EXOC6B: variants seen among roughly 807,000 people sequenced by gnomAD.
The protein encoded by EXOC6B is exocyst complex component 6B.
Under a neutral mutation model 113.5 loss-of-function variants are expected in EXOC6B, and 54 were observed. The ratio of observed to expected loss-of-function variants is 0.48; its 90% CI spans 0.38 to 0.60. EXOC6B has a LOEUF of 0.60. EXOC6B is among the 20% of genes least tolerant of loss of function. EXOC6B has a pLI of 0.00. For synonymous variants in EXOC6B, 357 were observed against 339.0 expected, an observed-to-expected ratio of 1.05 and a Z score of -0.58; for missense variants, 797 against 977.5, an observed-to-expected ratio of 0.82 and a Z score of 2.46.
In EXOC6B at chr2:72,783,062, T is replaced by C. The variant is rs150874115; in HGVS notation, c.114-41593A>G. Among the ~76,000 whole-genome samples the C allele has an allele frequency of 2.1e-4, 32 of 152,302 alleles. No individual in the cohort carries two copies. In the East Asian group the frequency reaches 5.8e-3, roughly 28 times the overall value. On this transcript the variant is annotated intron_variant, in intron 1 of 21. Coordinates refer to ENST00000272427, the MANE Select transcript of EXOC6B (RefSeq NM_015189.3). The stretch of plus-strand genomic sequence containing the variant: ...ACTGTAGTGAGACTGCTGGATCACA[T>C]GATAGTTCTATTTTTGAGAAACCTC...
intron 1 of EXOC6B, among the ~76,000 whole-genome samples, chr2:72,785,846 G>C (rs1684345104): frequency 6.6e-6 from 1 of 152,230 alleles, no homozygotes; most frequent in African/African-American, 2.4e-5. Flanking sequence ...GGCTTAAATT[G>C]CTCCCCAGAA....
chr2:72,354,235 T>C (rs1689841573), intron 19 of EXOC6B: 1 of 152,214 alleles, frequency 6.6e-6, no homozygotes, highest in African/African-American at 2.4e-5. Context: ...CCAGACAGAA[T>C]TTCAGGGTAT....
chr2:72,470,350 A>G (rs585653), intron 17 of EXOC6B, among the ~76,000 whole-genome samples: 20,623 of 152,106 alleles, frequency 0.14, 1,717 homozygotes, highest in African/African-American at 0.24. Context: ...TATTGTAAAT[A>G]GGACTGCCTT....
chr2:72,804,617 T>C (rs1387967609), intron 1 of EXOC6B, among the ~76,000 whole-genome samples: 1 of 151,968 alleles, frequency 6.6e-6, no homozygotes, highest in African/African-American at 2.4e-5. Context: ...TTTTTTGAGA[T>C]GGAGTTTCGC....
intron 18 of EXOC6B, among the ~76,000 whole-genome samples, chr2:72,390,899 C>T (rs1692334763): frequency 6.6e-6 from 1 of 152,186 alleles, no homozygotes; most frequent in South Asian, 2.1e-4. Context: ...TCGCCCTATA[C>T]ATTAATAGCT....
At chr2:72,610,879 C>T (rs772195427) in intron 6 of EXOC6B, among the ~76,000 whole-genome samples, 1 of 152,186 alleles carries the variant, frequency 6.6e-6, no homozygotes, top group South Asian at 2.1e-4. Context: ...CAAACACCAC[C>T]TTCCTTGTGA....
chr2:72,768,856 T>C (rs1294418406), intron 1 of EXOC6B, among the ~76,000 whole-genome samples: 1 of 152,160 alleles, frequency 6.6e-6, no homozygotes, highest in Non-Finnish European at 1.5e-5. Flanking sequence ...TTCACACCTG[T>C]AATCCCAGCA....
intron 8 of EXOC6B, among the ~76,000 whole-genome samples, chr2:72,538,879 A>G (rs539392167): frequency 2.6e-5 from 4 of 151,880 alleles, no homozygotes; most frequent in African/African-American, 9.6e-5. Context: ...CTGGCCTGCT[A>G]TGTTACTACT....
At chr2:72,381,325 T>A (rs1314637320) in intron 18 of EXOC6B, among the ~76,000 whole-genome samples, 1 of 152,190 alleles carries the variant, frequency 6.6e-6, no homozygotes, top group Non-Finnish European at 1.5e-5. Context: ...TTTGGAAGTA[T>A]ACCACAATTT....
At chr2:72,660,210 T>C (rs1257143445) in intron 6 of EXOC6B, among the ~76,000 whole-genome samples, 2 of 150,356 alleles carry the variant, frequency 1.3e-5, no homozygotes, top group Admixed American at 6.7e-5. Flanking sequence ...AAAAAAAAAA[T>C]AAAGCCATTG....
intron 18 of EXOC6B, among the ~76,000 whole-genome samples, chr2:72,383,875 T>C (rs1691837695): frequency 6.6e-6 from 1 of 152,112 alleles, no homozygotes; most frequent in African/African-American, 2.4e-5. Context: ...GAGACCTTTA[T>C]CCTTAAGAAA....
chr2:72,636,124 G>A (rs569362319), intron 6 of EXOC6B, among the ~76,000 whole-genome samples: 6 of 152,224 alleles, frequency 3.9e-5, no homozygotes, highest in Admixed American at 2.6e-4. Flanking sequence ...TCAGGAGGCT[G>A]AGGCAGGAGG....
chr2:72,466,856 A>G (rs576595157), intron 17 of EXOC6B, among the ~76,000 whole-genome samples: 14 of 152,190 alleles, frequency 9.2e-5, no homozygotes, highest in South Asian at 4.1e-4. Context: ...TGAGGTAGGA[A>G]TACTTAAAAG....
At chr2:72,617,517 C>CTTTTT (rs201912352) in intron 6 of EXOC6B, among the ~76,000 whole-genome samples, 29 of 96,956 alleles carry the variant, frequency 3.0e-4, no homozygotes, top group East Asian at 5.7e-4. Flanking sequence ...AATCTTTTTT[C>CTTTTT]TTTTTTTTTT....
At chr2:72,443,320 CAAAAAAA>C (rs61290907) in intron 18 of EXOC6B, among the ~76,000 whole-genome samples, 5 of 92,768 alleles carry the variant, frequency 5.4e-5, no homozygotes, top group Admixed American at 4.9e-4. Flanking sequence ...GAGATTCTGT[CAAAAAAA>C]AAAAAAAAAA....
At chr2:72,749,946 T>C (rs917616089) in intron 1 of EXOC6B, among the ~76,000 whole-genome samples, 2 of 151,840 alleles carry the variant, frequency 1.3e-5, no homozygotes, top group African/African-American at 2.4e-5. Flanking sequence ...ACCTCATTTG[T>C]AGATGTATAT....
chr2:72,270,325 GGT>G (rs1298916214), intron 20 of EXOC6B, among the ~76,000 whole-genome samples: 2 of 152,118 alleles, frequency 1.3e-5, no homozygotes, highest in East Asian at 3.9e-4. Flanking sequence ...ATCCTGAGCA[GGT>G]GTCAGAAGGC....
intron 6 of EXOC6B, among the ~76,000 whole-genome samples, chr2:72,686,171 A>G (rs1322910283): frequency 6.6e-6 from 1 of 152,154 alleles, no homozygotes; most frequent in African/African-American, 2.4e-5. Context: ...CTCAGCATTC[A>G]GGCTTAGCCA....
chr2:72,722,106 T>G (rs1558949308), intron 5 of EXOC6B: 1 of 151,218 alleles, frequency 6.6e-6, no homozygotes, highest in Non-Finnish European at 1.5e-5. Context: ...ATATGAGATA[T>G]ATATCACTGG....
Sources: allele counts gnomAD v4.1 joint callset (sites outside exome capture counted in the v4.1 genomes callset), GRCh38; gene constraint gnomAD v4.1.1; transcripts MANE v1.5; gene names NCBI Gene and HGNC (gene_info 2026-07-23, HGNC 2026-07-21).